Variants in CHAF1A observed in about 807,000 individuals in gnomAD.
CHAF1A encodes the protein CAF-1 subunit A.
Under a neutral mutation model 93.2 loss-of-function variants are expected in CHAF1A, and 5 were observed. That is an observed-to-expected ratio of 0.05 (90% CI 0.03 to 0.11). The LOEUF (loss-of-function observed/expected upper bound fraction) is 0.11, where lower values mean the gene tolerates loss of function less well. Among genes scored for constraint, CHAF1A ranks in the 10% least tolerant of loss-of-function variants. CHAF1A has a pLI of 1.00. For missense variants in CHAF1A, 1,102 were observed against 1,259.9 expected (o/e 0.87, Z 1.90); for synonymous variants, 504 against 510.3 (o/e 0.99, Z 0.17).
chr19:4,408,461 CTTTTTTTTTTTTTTTTT>C (rs778100682), intron 2 of CHAF1A, among the ~76,000 whole-genome samples: 3 of 36,012 alleles, frequency 8.3e-5, no homozygotes, highest in African/African-American at 5.0e-4. Context: ...CGCACCCGGC[CTTTTTTTTTTTTTTTTT>C]TTTTTTTTTT....
chr19:4,411,644 C>CTTTTTTTTTTTTTT (rs66491258), intron 3 of CHAF1A, among the ~76,000 whole-genome samples: 499 of 48,164 alleles, frequency 0.01, 136 homozygotes, highest in African/African-American at 0.023. Flanking sequence ...TGGTGCAAAT[C>CTTTTTTTTTTTTTT]TTTTTTTTTT....
At position 4,443,359 on chromosome 19, in the gene CHAF1A, C is replaced by A. The variant is rs1359480142; in HGVS notation, c.*334C>A. The A allele has an allele frequency of 6.2e-6, 2 of 323,290 alleles. No homozygotes were observed. Among genetic ancestry groups the A allele is most frequent in the Non-Finnish European group, 1.2e-5 (2 of 168,570 alleles). The allele number at this position is 323,290 out of a possible 1,614,324, so 20.0% of individuals were successfully genotyped here. A position where few individuals can be genotyped will look rare whatever the true frequency, so the allele number is the denominator to read the frequency against. On this transcript the variant is annotated 3_prime_UTR_variant, in exon 15 of 15. Transcript: ENST00000301280. Reference sequence around the variant, plus strand: ...CTGGCCACGTGCGCGGGCCCCTGGACCTAACGAGGCAGTGTATAAACTTAT... The same window carrying A: ...CTGGCCACGTGCGCGGGCCCCTGGAACTAACGAGGCAGTGTATAAACTTAT...
intron 13 of CHAF1A, among the ~76,000 whole-genome samples, chr19:4,434,960 G>T (rs983247454): frequency 3.3e-5 from 5 of 152,038 alleles, no homozygotes; most frequent in African/African-American, 1.2e-4. Context: ...AAACTCTCAT[G>T]CCCAGAGAGC....
chr19:4,410,386 C>CTTTTTT (rs71166992), intron 3 of CHAF1A, among the ~76,000 whole-genome samples: 2 of 137,514 alleles, frequency 1.5e-5, no homozygotes, highest in African/African-American at 5.4e-5. Flanking sequence ...AAAAAAATTA[C>CTTTTTT]TTTTTTTTTT....
chr19:4,407,604 A>G (rs1311170264), intron 2 of CHAF1A, among the ~76,000 whole-genome samples: 1 of 152,208 alleles, frequency 6.6e-6, no homozygotes, highest in Non-Finnish European at 1.5e-5. Flanking sequence ...GTCTCTTGAA[A>G]TTCTGGCGAT....
chr19:4,445,247 AG>A, downstream of CHAF1A: 3 of 497,806 alleles, frequency 6.0e-6, no homozygotes, highest in Non-Finnish European at 1.1e-5. Context: ...CCAAGCAGCT[AG>A]GGAGGGCTTA....
Position 4,409,388 on chromosome 19 carries a change from G to T in CHAF1A, c.589G>T (p.Gly197Cys). The T allele has an allele frequency of 6.2e-7, 1 of 1,614,152 alleles. No individual in the cohort carries two copies. The highest frequency in any genetic ancestry group is 8.5e-7 in the Non-Finnish European group (1 of 1,180,034). ...TGGCTGTGGAGGTGCAGGGAGGAGAGGCGACTCCCAGGAATGTTCGCCACG... is the reference window on the plus strand; with the variant it reads ...TGGCTGTGGAGGTGCAGGGAGGAGATGCGACTCCCAGGAATGTTCGCCACG... ...GVGCGGAGRR[G>C]DSQECSPRSC... The change falls in exon 3 of 15, where the codon GGC (glycine) becomes TGC (cysteine). Residue 197 changes from glycine (G) to cysteine (C), a missense_variant. Coordinates refer to ENST00000301280, the MANE Select transcript of CHAF1A (RefSeq NM_005483.3).
chr19:4,412,176 C>T (rs375849756), intron 3 of CHAF1A, among the ~76,000 whole-genome samples: 9 of 152,178 alleles, frequency 5.9e-5, no homozygotes, highest in African/African-American at 1.9e-4. Context: ...AGTGTACATT[C>T]GATCACTTGA....
Position 4,437,988 on chromosome 19 carries a change from G to A in CHAF1A, c.2674-4257G>A, listed in dbSNP as rs189609415. 9.9e-5 allele frequency among the ~76,000 whole-genome samples: 15 copies of A among 152,150 alleles called. No homozygotes were observed. In the East Asian group the frequency reaches 2.1e-3, roughly 22 times the overall value. ...GATCTCCTGACCTTGTGATCTGCCC[G>A]CCTCGGCCTCCCAAAGTGCTAGGAT... On this transcript the variant is annotated intron_variant, in intron 13 of 14. Coordinates refer to ENST00000301280, the MANE Select transcript of CHAF1A (RefSeq NM_005483.3).
the CHAF1A span, chr19:4,450,271 A>T: frequency 1.3e-5 from 2 of 151,844 alleles, no homozygotes; most frequent in Admixed American, 6.6e-5. Context: ...GAATTCTCTC[A>T]GCATGGAAAT....
downstream of CHAF1A, chr19:4,446,046 C>T: frequency 6.2e-7 from 1 of 1,609,138 alleles, no homozygotes; most frequent in Non-Finnish European, 8.5e-7. Context: ...GGCCGACACT[C>T]ACCAGCCCGC....
downstream of CHAF1A, chr19:4,449,522 GC>G (rs1384727814): frequency 6.6e-6 from 1 of 152,460 alleles, no homozygotes; most frequent in Admixed American, 6.5e-5. Context: ...GAGAGGCAGA[GC>G]TGCCAGATGG....
At chr19:4,405,796 A>G in intron 1 of CHAF1A, 116 bp from the exon 2 acceptor site, 1 of 853,650 alleles carries the variant, frequency 1.2e-6, no homozygotes, top group East Asian at 2.5e-5. Context: ...ATGGCCCCCG[A>G]GGACAGAGGG....
intron 4 of CHAF1A, among the ~76,000 whole-genome samples, 162 bp downstream of exon 4, chr19:4,418,238 T>C (rs1973929235): frequency 6.6e-6 from 1 of 152,188 alleles, no homozygotes; most frequent in Non-Finnish European, 1.5e-5. Flanking sequence ...TTGGACTTCA[T>C]GGTTTGTGGA....
In CHAF1A at chr19:4,409,718, A is replaced by G; in HGVS notation, c.919A>G (p.Ser307Gly). 6.2e-7 allele frequency: 1 copy of G among 1,614,088 alleles called. No individual in the cohort carries two copies. Among genetic ancestry groups the G allele is most frequent in the Non-Finnish European group, 8.5e-7 (1 of 1,179,992 alleles). Residue 307 changes from serine (S) to glycine (G), a missense_variant, in exon 3 of 15, where the codon AGC (serine) becomes GGC (glycine). Ser to Gly is a moderately conservative substitution (Grantham distance 56, BLOSUM62 0). This residue lies in a region of CHAF1A where 379 missense variants were observed against 365.7 expected (regional missense o/e 1.04). Transcript: ENST00000301280. Reference sequence around the variant, plus strand: ...GCCGCCTGCTCCCCCAAAGCAGCACAGCAGTACCAGTCCCTTCCCCACCTC... The same window carrying G: ...GCCGCCTGCTCCCCCAAAGCAGCACGGCAGTACCAGTCCCTTCCCCACCTC... Reference protein sequence around the residue: ...EGPPAPPKQHSSTSPFPTSTP... With the variant: ...EGPPAPPKQHGSTSPFPTSTP...
At chr19:4,415,378 G>T (rs1250928663) in intron 3 of CHAF1A, among the ~76,000 whole-genome samples, 2 of 152,208 alleles carry the variant, frequency 1.3e-5, no homozygotes, top group African/African-American at 2.4e-5. Flanking sequence ...ACTCACAGCA[G>T]AGGGGGGGCA....
At chr19:4,424,380 T>G (rs1285930866) in intron 7 of CHAF1A, among the ~76,000 whole-genome samples, 1 of 152,226 alleles carries the variant, frequency 6.6e-6, no homozygotes, top group African/African-American at 2.4e-5. Flanking sequence ...CTCCACTCAC[T>G]GTATTTATAC....
At chr19:4,428,186 T>C (rs1344808931) in intron 7 of CHAF1A, among the ~76,000 whole-genome samples, 1 of 150,506 alleles carries the variant, frequency 6.6e-6, no homozygotes, top group Middle Eastern at 3.4e-3. Flanking sequence ...GAGATGGGGT[T>C]TCACCATGTT....
At chr19:4,436,015 T>TGTAA (rs1974276825) in intron 13 of CHAF1A, among the ~76,000 whole-genome samples, 1 of 152,104 alleles carries the variant, frequency 6.6e-6, no homozygotes, top group Non-Finnish European at 1.5e-5. Flanking sequence ...GGCAGGTGCC[T>TGTAA]GTAATCTCAG....
Sources: gnomAD v4.1 joint callset for allele counts (sites outside exome capture counted in the v4.1 genomes callset) on GRCh38, gnomAD v4.1.1 for gene constraint, gnomAD v4.1.1 regional missense constraint, MANE v1.5 for transcripts, NCBI Gene and HGNC (gene_info 2026-07-23, HGNC 2026-07-21) for gene names.